C16orf92: variants seen among roughly 807,000 people sequenced by gnomAD.
C16orf92 encodes the protein fertilization-influencing membrane protein 1.
C16orf92 carries 14 observed loss-of-function variants against 13.7 expected under a neutral mutation model. The observed-to-expected ratio is 1.02, with a 90% CI of 0.67 to 1.60. C16orf92 has a LOEUF of 1.60. Among genes scored for constraint, C16orf92 ranks in the 40% most tolerant of loss-of-function variants. C16orf92 has a pLI of 0.00. For synonymous variants in C16orf92, 50 were observed against 57.4 expected, an observed-to-expected ratio of 0.87 and a Z score of 0.58; for missense variants, 116 against 139.0, an observed-to-expected ratio of 0.83 and a Z score of 0.83.
downstream of C16orf92, chr16:30,024,903 C>T (rs534208401): frequency 2.5e-5 from 10 of 395,064 alleles, no homozygotes; most frequent in African/African-American, 1.7e-4. Flanking sequence ...CTGTTGGTGT[C>T]CCTCCCCACA....
rs375879437 is a variant in C16orf92, at chr16:30,024,078, C to T, written c.303C>T (p.Cys101=). Residue 101 remains cysteine (C), a synonymous_variant, in exon 3 of 4, where the codon TGC becomes TGT. Coordinates refer to ENST00000681219, the MANE Select transcript of C16orf92 (RefSeq NM_001109659.2). The stretch of plus-strand genomic sequence containing the variant: ...TCTTCTTTCTCCTTTTCCAGTTCTG[C>T]ACCCACATGTAAGGCCTGCCCCCTT... ...VAFFFLLFQF[C]THINFQKGA is the part of the protein sequence containing the mutation. The T allele has an allele frequency of 8.7e-6, 14 of 1,613,094 alleles. No homozygotes were observed. Among genetic ancestry groups the T allele is most frequent in the African/African-American group, 1.3e-5 (1 of 74,868 alleles).
chr16:30,023,289 A>G lies in C16orf92; in HGVS notation c.-52A>G, dbSNP rs1445382139. 1.5e-5 allele frequency: 23 copies of G among 1,526,312 alleles called. No individual in the cohort carries two copies. Among genetic ancestry groups the G allele is most frequent in the African/African-American group, 2.7e-5 (2 of 73,322 alleles). The allele number at this position is 1,526,312 out of a possible 1,614,324, so 94.5% of individuals were successfully genotyped here. Reference sequence around the variant, plus strand: ...TCTCCCCTCACCCCAAAGTGCCATCAGAACAGCTCTGGGCTGTGACATCAC... The same window carrying G: ...TCTCCCCTCACCCCAAAGTGCCATCGGAACAGCTCTGGGCTGTGACATCAC... On this transcript the variant is annotated 5_prime_UTR_variant, in exon 1 of 4. Transcript: ENST00000681219.
downstream of C16orf92, chr16:30,026,583 CG>C: frequency 1.9e-6 from 3 of 1,599,158 alleles, no homozygotes; most frequent in Non-Finnish European, 2.6e-6. Context: ...ACCCGCACCC[CG>C]CCCGCCCAGC....
At chr16:30,025,622 G>C (rs542473095), downstream of C16orf92, 2,671 of 1,471,472 alleles carry the variant, frequency 1.8e-3, 10 homozygotes, top group Non-Finnish European at 1.9e-3. The surrounding 1 kb of genome is among the most constrained non-coding windows in gnomAD (Gnocchi z 4.1). Flanking sequence ...ACGGGGTGAG[G>C]GGGGGATGAC....
At chr16:30,025,285 G>C (rs1305050727), downstream of C16orf92, 13 of 1,549,494 alleles carry the variant, frequency 8.4e-6, no homozygotes, top group Non-Finnish European at 9.6e-6. The surrounding 1 kb of genome is among the most constrained non-coding windows in gnomAD (Gnocchi z 4.1). Flanking sequence ...GAGGGGCCAG[G>C]AGCAGCGCAG....
downstream of C16orf92, chr16:30,027,696 G>A: frequency 2.2e-6 from 1 of 455,020 alleles, no homozygotes; most frequent in Non-Finnish European, 4.4e-6. Context: ...AACGAGAAAT[G>A]GATGAATAGA....
Position 30,024,034 on chromosome 16 carries a change from G to A in C16orf92, c.259G>A (p.Gly87Ser). The A allele has an allele frequency of 2.5e-6, 4 of 1,614,066 alleles. No individual in the cohort carries two copies. The highest frequency in any genetic ancestry group is 3.4e-6 in the Non-Finnish European group (4 of 1,179,964). ...SPGLFHHILV[G>S]LLVVAFFFLL... ...CGGGCTCTTCCATCACATCCTGGTG[G>A]GCTTGCTGGTGGTGGCGTTCTTCTT... The change falls in exon 3 of 4, where the codon GGC becomes AGC. Residue 87 changes from glycine to serine, a missense_variant. Gly to Ser is a moderately conservative substitution (Grantham distance 56). Coordinates refer to ENST00000681219, the MANE Select transcript of C16orf92 (RefSeq NM_001109659.2).
rs1030795111 is a variant in C16orf92 at position 30,023,562 on chromosome 16, G to A, written c.64+158G>A. ...GTCCCACCTACCCCCCAACAACCGC[G>A]AGCCTTGTCGTGGTGCACCCAGCTG... On this transcript the variant is annotated intron_variant, in intron 1 of 3. Coordinates refer to ENST00000681219, the MANE Select transcript of C16orf92 (RefSeq NM_001109659.2). 7.3e-5 allele frequency: 105 copies of A among 1,438,546 alleles called. 1 individual carries two copies. Among genetic ancestry groups the A allele is most frequent in the South Asian group, 1.6e-4 (13 of 80,888 alleles). 89.1% of individuals were successfully genotyped at this position (1,438,546 alleles called of 1,614,324 possible).
chr16:30,023,981 G>A lies in C16orf92; in HGVS notation c.224-18G>A. 1 of 1,605,906 alleles carries A rather than the reference G, an allele frequency of 6.2e-7. No individual in the cohort carries two copies. Among genetic ancestry groups the A allele is most frequent in the Non-Finnish European group, 8.5e-7 (1 of 1,172,528 alleles). Reference sequence around the variant, plus strand: ...TTGGGCCATCAGAGGGGAGTTAAGGGTCCTGTTTGTCTAGCAGGTTCCAGC... The same window carrying A: ...TTGGGCCATCAGAGGGGAGTTAAGGATCCTGTTTGTCTAGCAGGTTCCAGC... On this transcript the variant is annotated intron_variant, in intron 2 of 3. Coordinates refer to ENST00000681219, the MANE Select transcript of C16orf92 (RefSeq NM_001109659.2).
chr16:30,025,272 GCT>G, downstream of C16orf92: 1 of 1,544,482 alleles, frequency 6.5e-7, no homozygotes, highest in Non-Finnish European at 8.7e-7. This position sits in a 1 kb window ranked among gnomAD's most constrained non-coding sequence, Gnocchi z 4.1. Context: ...AACCAGTAGA[GCT>G]GAGGGGCCAG....
chr16:30,024,542 C>T lies in C16orf92; in HGVS notation c.*315C>T. On this transcript the variant is annotated 3_prime_UTR_variant, in exon 4 of 4. Coordinates refer to ENST00000681219, the MANE Select transcript of C16orf92 (RefSeq NM_001109659.2). ...AGTAGCACCAGGGACATGGCAGGGC[C>T]CGAGGGCGCGATGTGCAGCCGATGG... 1 of 429,830 alleles carries T rather than the reference C, an allele frequency of 2.3e-6. No individual in the cohort carries two copies. Among genetic ancestry groups the T allele is most frequent in the Non-Finnish European group, 4.2e-6 (1 of 239,928 alleles). The allele number at this position is 429,830 out of a possible 1,614,324, so 26.6% of individuals were successfully genotyped here. A position where few individuals can be genotyped will look rare whatever the true frequency, so the allele number is the denominator to read the frequency against.
At chr16:30,025,760 G>T, downstream of C16orf92, 1 of 1,614,150 alleles carries the variant, frequency 6.2e-7, no homozygotes, top group East Asian at 2.2e-5. This position sits in a 1 kb window ranked among gnomAD's most constrained non-coding sequence, Gnocchi z 4.1. Context: ...GACGAAGGGC[G>T]TGCTGACCTC....
chr16:30,025,788 C>A (rs1322599467), downstream of C16orf92: 1 of 1,614,100 alleles, frequency 6.2e-7, no homozygotes, highest in East Asian at 2.2e-5. This position sits in a 1 kb window ranked among gnomAD's most constrained non-coding sequence, Gnocchi z 4.1. Flanking sequence ...AACATGCAAC[C>A]CAGAAAGAAG....
intron 1 of C16orf92, 62 bp downstream of exon 1, chr16:30,023,466 C>G (rs1314374143): frequency 1.3e-6 from 2 of 1,532,926 alleles, no homozygotes; most frequent in Non-Finnish European, 1.8e-6. Context: ...AAGTGTGATG[C>G]CCACTTAGGG....
Position 30,023,325 on chromosome 16 carries a change from C to A in C16orf92, c.-16C>A, listed in dbSNP as rs772731843. 5.7e-6 allele frequency: 9 copies of A among 1,591,736 alleles called. No homozygotes were observed. The South Asian group carries it at 1.0e-4, about 18-fold the overall frequency. On this transcript the variant is annotated 5_prime_UTR_variant, in exon 1 of 4. Coordinates refer to ENST00000681219, the MANE Select transcript of C16orf92 (RefSeq NM_001109659.2). ...GGGCTGTGACATCACAGAGCCCCCA[C>A]CTCATGATAGGAGTCATGAGGCTGT...
At chr16:30,025,161 G>A, downstream of C16orf92, 1 of 1,404,236 alleles carries the variant, frequency 7.1e-7, no homozygotes, top group African/African-American at 1.5e-5. The surrounding 1 kb of genome is among the most constrained non-coding windows in gnomAD (Gnocchi z 4.1). Context: ...GGTGGGGAGG[G>A]GGAGGGTCCC....
rs369479173 is a variant in C16orf92 at position 30,023,696 on chromosome 16, G to A, written c.65-31G>A. 14 of 1,614,126 alleles carry A rather than the reference G, an allele frequency of 8.7e-6. 1 individual carries two copies. The South Asian group carries it at 1.5e-4, about 18-fold the overall frequency. On this transcript the variant is annotated intron_variant, in intron 1 of 3. Transcript: ENST00000681219. ...AGAGATAAAGGCAGGGGTCAGCTTG[G>A]CTGTTGTCACAGAGTTTGCTTGGGT...
chr16:30,023,510 T>C, intron 1 of C16orf92, 106 bp downstream of exon 1: 2 of 1,381,100 alleles, frequency 1.4e-6, no homozygotes, highest in East Asian at 4.8e-5. Flanking sequence ...TCTCATTTTC[T>C]CTCCACTCTT....
intron 1 of C16orf92, 64 bp from the exon 2 acceptor site, chr16:30,023,663 C>A (rs767579614): frequency 9.3e-6 from 15 of 1,613,850 alleles, no homozygotes; most frequent in Non-Finnish European, 1.3e-5. Flanking sequence ...AAGTCAGCTT[C>A]CGCCTCGAGA....
Sources: gnomAD v4.1 joint callset for allele counts on GRCh38, gnomAD v4.1.1 for gene constraint, Gnocchi (gnomAD v3.1) non-coding constraint, MANE v1.5 for transcripts, NCBI Gene and HGNC (gene_info 2026-07-23, HGNC 2026-07-21) for gene names.